Variants in MMP26 observed in about 807,000 individuals in gnomAD.
The protein encoded by MMP26 is matrix metalloproteinase-26.
A neutral mutation model predicts 31.0 loss-of-function variants in MMP26; 33 were observed. That is an observed-to-expected ratio of 1.06 (90% confidence interval 0.81 to 1.42). The LOEUF (loss-of-function observed/expected upper bound fraction) is 1.42, where lower values mean the gene tolerates loss of function less well. MMP26 is among the 40% of genes most tolerant of loss of function. The pLI is 0.00. For synonymous variants in MMP26, 122 were observed against 114.9 expected, an observed-to-expected ratio of 1.06 and a Z score of -0.40; for missense variants, 347 against 316.1, an observed-to-expected ratio of 1.10 and a Z score of -0.74.
intron 2 of MMP26, chr11:4,973,286 T>C (rs1846690137): frequency 6.5e-6 from 1 of 153,604 alleles, no homozygotes; most frequent in Admixed American, 6.5e-5. Flanking sequence ...AAATAAGCCA[T>C]AGATGATGTT....
intron 2 of MMP26, among the ~76,000 whole-genome samples, chr11:4,972,110 T>C (rs559213802): frequency 2.0e-5 from 3 of 152,138 alleles, no homozygotes; most frequent in Non-Finnish European, 4.4e-5. Context: ...GCCAGAATTA[T>C]CACATATCAA....
intron 1 of MMP26, chr11:4,723,278 T>C (rs578245684): frequency 1.1e-4 from 112 of 1,058,828 alleles, no homozygotes; most frequent in Admixed American, 5.5e-4. Context: ...CTCAGTCTTG[T>C]GCGCTGCGGG....
chr11:4,769,944 C>A (rs1218158828), intron 2 of MMP26: 3 of 1,152,166 alleles, frequency 2.6e-6, no homozygotes, highest in Admixed American at 1.7e-5. Context: ...AGCATTTGTC[C>A]TCACAATGCT....
At chr11:4,911,887 T>C (rs1030961607) in intron 2 of MMP26, among the ~76,000 whole-genome samples, 4 of 152,196 alleles carry the variant, frequency 2.6e-5, no homozygotes, top group Non-Finnish European at 4.4e-5. Flanking sequence ...TTGCCCACTA[T>C]ATTCCTATAA....
intron 1 of MMP26, among the ~76,000 whole-genome samples, chr11:4,706,473 C>A (rs180688144): frequency 4.0e-5 from 6 of 148,442 alleles, no homozygotes; most frequent in East Asian, 2.0e-4. Flanking sequence ...CTTTACTTGG[C>A]GAGCTGAGGC....
rs568109165 is a variant in MMP26 at position 4,923,840 on chromosome 11, C to T, written c.-144-64228C>T. Reference sequence around the variant, plus strand: ...CACATGGGAGTGGCAGTATTGGAAGCGCTTCAGGAGGAATGGCAAGGGGAG... The same window carrying T: ...CACATGGGAGTGGCAGTATTGGAAGTGCTTCAGGAGGAATGGCAAGGGGAG... On this transcript the variant is annotated intron_variant, in intron 2 of 7. Transcript: ENST00000380390. The T allele has an allele frequency of 2.8e-5, 45 of 1,613,928 alleles. No individual in the cohort carries two copies. The highest frequency in any genetic ancestry group is 1.3e-4 in the Admixed American group (8 of 59,996).
At chr11:4,915,923 G>C (rs910076156) in intron 2 of MMP26, among the ~76,000 whole-genome samples, 4 of 152,128 alleles carry the variant, frequency 2.6e-5, no homozygotes, top group African/African-American at 9.7e-5. Context: ...TGGGTGAGTT[G>C]GAGATTCTAA....
chr11:4,991,183 T>C (rs530100962), intron 5 of MMP26, among the ~76,000 whole-genome samples, 188 bp from the exon 6 acceptor site: 6 of 152,310 alleles, frequency 3.9e-5, no homozygotes, highest in African/African-American at 1.4e-4. Flanking sequence ...CTTTTTACCC[T>C]AGATAAGAGA....
At chr11:4,980,842 A>G (rs1846803109) in intron 2 of MMP26, among the ~76,000 whole-genome samples, 1 of 151,594 alleles carries the variant, frequency 6.6e-6, no homozygotes, top group Admixed American at 6.6e-5. Context: ...TATTATTTGT[A>G]TCTGTTTTAA....
chr11:4,824,765 G>A (rs73403059), intron 2 of MMP26, among the ~76,000 whole-genome samples: 212 of 152,134 alleles, frequency 1.4e-3, no homozygotes, highest in East Asian at 9.5e-3. Context: ...TGAAACAACC[G>A]TCTCAGTAGT....
chr11:4,864,949 TGTTTTAATTCACA>T, intron 2 of MMP26, among the ~76,000 whole-genome samples: 1 of 152,294 alleles, frequency 6.6e-6, no homozygotes, highest in South Asian at 2.1e-4. Context: ...TTATATACCT[TGTTTTAATTCACA>T]GTTTTAATTT....
intron 2 of MMP26, among the ~76,000 whole-genome samples, chr11:4,976,996 A>C (rs76466773): frequency 0.026 from 3,956 of 152,132 alleles, 144 homozygotes; most frequent in African/African-American, 0.064. Flanking sequence ...TATTCTGCTC[A>C]TGTTTAAGAG....
chr11:4,770,830 A>AG (rs1401411391), intron 2 of MMP26, among the ~76,000 whole-genome samples: 1 of 152,042 alleles, frequency 6.6e-6, no homozygotes. Context: ...TGACAGTGAG[A>AG]GACTCCGTCT....
At chr11:4,983,108 A>G (rs1846837847) in intron 2 of MMP26, among the ~76,000 whole-genome samples, 1 of 152,236 alleles carries the variant, frequency 6.6e-6, no homozygotes, top group African/African-American at 2.4e-5. Context: ...GTAATATGCC[A>G]TTCTCTCAGT....
chr11:4,750,181 T>A (rs1320523821), intron 1 of MMP26, among the ~76,000 whole-genome samples: 1 of 152,050 alleles, frequency 6.6e-6, no homozygotes, highest in Admixed American at 6.6e-5. Context: ...TTATGAAAAT[T>A]GCTCAACACC....
intron 2 of MMP26, among the ~76,000 whole-genome samples, chr11:4,806,285 T>G (rs1849268480): frequency 6.6e-6 from 1 of 152,086 alleles, no homozygotes. Flanking sequence ...CTTGTTAACT[T>G]TCTGTCTCGT....
intron 2 of MMP26, among the ~76,000 whole-genome samples, chr11:4,942,089 C>CAAAAAAACAAAAAAACAAAAA (rs769948564): frequency 2.7e-5 from 1 of 37,122 alleles, no homozygotes; most frequent in African/African-American, 1.1e-4. Context: ...GAGTCCATCT[C>CAAAAAAACAAAAAAACAAAAA]AAAAAAAAAA....
chr11:4,791,254 A>G (rs1216942634), intron 2 of MMP26, among the ~76,000 whole-genome samples: 1 of 152,230 alleles, frequency 6.6e-6, no homozygotes, highest in Non-Finnish European at 1.5e-5. Flanking sequence ...CAGAAGTGGG[A>G]CATAATATTC....
rs780725411 is a variant in MMP26, at chr11:4,991,952, A to G, written c.596-12A>G. The stretch of plus-strand genomic sequence containing the variant: ...AGTTAATTTTATCTTTTTTTTTTCT[A>G]TAATTTTTCAGGATATAATCTGTTC... On this transcript the variant is annotated splice_polypyrimidine_tract_variant and intron_variant, in intron 6 of 7. Coordinates refer to ENST00000380390, the MANE Select transcript of MMP26 (RefSeq NM_021801.5). 6.4e-7 allele frequency: 1 copy of G among 1,562,896 alleles called. No homozygotes were observed. Among genetic ancestry groups the G allele is most frequent in the African/African-American group, 1.4e-5 (1 of 70,260 alleles).
Sources: allele counts gnomAD v4.1 joint callset (sites outside exome capture counted in the v4.1 genomes callset), GRCh38; gene constraint gnomAD v4.1.1; transcripts MANE v1.5; gene names NCBI Gene and HGNC (gene_info 2026-07-23, HGNC 2026-07-21).